The following ZGRF1 variants were observed in gnomAD, a reference collection of about 807,000 sequenced individuals.
The protein encoded by ZGRF1 is 5'-3' DNA helicase ZGRF1.
ZGRF1 carries 196 observed loss-of-function variants against 203.5 expected under a neutral mutation model. The observed-to-expected ratio is 0.96, with a 90% CI of 0.86 to 1.08. ZGRF1 has a LOEUF of 1.08. Ranked by LOEUF, ZGRF1 falls within the 50% of genes least tolerant of loss-of-function variation. ZGRF1 has a pLI of 0.00. For missense variants in ZGRF1, 2,326 were observed against 2,416.3 expected (o/e 0.96, Z 0.78); for synonymous variants, 809 against 841.3 (o/e 0.96, Z 0.66).
At chr4:112,542,885 G>A (rs1038552541) in intron 24 of ZGRF1, among the ~76,000 whole-genome samples, 2 of 150,952 alleles carry the variant, frequency 1.3e-5, no homozygotes, top group Non-Finnish European at 2.9e-5. Context: ...ATGCAGTGGT[G>A]AGATCATAAC....
chr4:112,548,046 A>G (rs554810936), intron 23 of ZGRF1, among the ~76,000 whole-genome samples: 16 of 152,086 alleles, frequency 1.1e-4, no homozygotes, highest in Admixed American at 5.2e-4. Flanking sequence ...GGCTCAAACA[A>G]TCCTCCCACC....
In ZGRF1 at chr4:112,585,785, C is replaced by T; in HGVS notation, c.3917-60G>A. The T allele has an allele frequency of 2.4e-6, 3 of 1,269,176 alleles. No homozygotes were observed. In the Admixed American group the frequency reaches 8.4e-5, roughly 36 times the overall value. 78.6% of individuals were successfully genotyped at this position (1,269,176 alleles called of 1,614,324 possible). ...ATACAAAATAATTTTGTTTGTATCA[C>T]ATATGTGCTGTTTGTAGCTAAATTT... On this transcript the variant is annotated intron_variant, in intron 13 of 27. Transcript: ENST00000505019.
rs1014845978 is a variant in ZGRF1 at position 112,597,838 on chromosome 4, C to T, written c.2976+5686G>A. On this transcript the variant is annotated intron_variant, in intron 10 of 27. Coordinates refer to ENST00000505019, the MANE Select transcript of ZGRF1 (RefSeq NM_018392.5). ...GACAGAGGTTGCAGTGAGCCGAGAT[C>T]GTGCCACTTCACTCCGGCCTGGGTG... Among the ~76,000 whole-genome samples the T allele has an allele frequency of 4.7e-5, 7 of 150,398 alleles. No homozygotes were observed. The Admixed American group carries it at 4.7e-4, about 10-fold the overall frequency.
In ZGRF1 at chr4:112,618,605, C is replaced by T. The variant is rs1450683182; in HGVS notation, c.1437G>A (p.Leu479=). 2.5e-6 allele frequency: 4 copies of T among 1,613,436 alleles called. No individual in the cohort carries two copies. The highest frequency in any genetic ancestry group is 1.7e-5 in the Admixed American group (1 of 60,002). Residue 479 remains leucine (L), a synonymous_variant, in exon 6 of 28, where the codon CTG becomes CTA. Transcript: ENST00000505019. The part of the protein sequence containing the change: ...EKEYEQSESS[L]PELKHLQIES... ...CAATTTGGAGATGTTTCAGTTCTGG[C>T]AGAGATGACTCTGATTGTTCATACT...
chr4:112,582,036 G>A (rs1056700028), intron 15 of ZGRF1, among the ~76,000 whole-genome samples: 1 of 152,036 alleles, frequency 6.6e-6, no homozygotes, highest in Non-Finnish European at 1.5e-5. Context: ...AGAACACCTC[G>A]TGTGCTTTTT....
intron 4 of ZGRF1, 145 bp from the exon 5 acceptor site, chr4:112,620,335 T>C: frequency 1.9e-6 from 1 of 520,442 alleles, no homozygotes; most frequent in East Asian, 3.2e-5. Flanking sequence ...TTCAATTATT[T>C]ATTATTATGT....
intron 16 of ZGRF1, among the ~76,000 whole-genome samples, chr4:112,564,375 T>C (rs933851474): frequency 1.7e-4 from 26 of 152,288 alleles, no homozygotes; most frequent in African/African-American, 6.0e-4. Flanking sequence ...AAAGAGAGAC[T>C]AAACTGGGCA....
intron 3 of ZGRF1, among the ~76,000 whole-genome samples, chr4:112,630,864 G>T (rs1309140146): frequency 6.6e-6 from 1 of 151,232 alleles, no homozygotes; most frequent in East Asian, 1.9e-4. Flanking sequence ...TCCAACCCGG[G>T]CAACAGAGTG....
At chr4:112,557,895 T>A (rs914391566) in intron 20 of ZGRF1, among the ~76,000 whole-genome samples, 1 of 152,210 alleles carries the variant, frequency 6.6e-6, no homozygotes, top group African/African-American at 2.4e-5. Context: ...TAGCCCTACA[T>A]GTTCTTGGCT....
At chr4:112,541,529 G>GT (rs1270287423) in intron 24 of ZGRF1, among the ~76,000 whole-genome samples, 45 of 134,130 alleles carry the variant, frequency 3.4e-4, no homozygotes, top group African/African-American at 1.1e-3. Flanking sequence ...ATGGTTTTTT[G>GT]TTTTGTTTTT....
chr4:112,568,812 G>A (rs949653337), intron 16 of ZGRF1, among the ~76,000 whole-genome samples: 1 of 151,032 alleles, frequency 6.6e-6, no homozygotes, highest in African/African-American at 2.4e-5. Context: ...TCAAGAGATC[G>A]AGACCATCCT....
At chr4:112,575,124 G>A (rs1744907243) in intron 16 of ZGRF1, among the ~76,000 whole-genome samples, 1 of 151,582 alleles carries the variant, frequency 6.6e-6, no homozygotes, top group Non-Finnish European at 1.5e-5. Flanking sequence ...AAATTACATA[G>A]ACAATAAAAG....
intron 13 of ZGRF1, 115 bp from the exon 14 acceptor site, chr4:112,585,840 G>T: frequency 1.8e-6 from 1 of 558,796 alleles, no homozygotes; most frequent in Non-Finnish European, 2.7e-6. Context: ...TCATATAATA[G>T]GAATATCCGT....
At chr4:112,616,080 T>C (rs974926410) in intron 6 of ZGRF1, among the ~76,000 whole-genome samples, 20 of 152,240 alleles carry the variant, frequency 1.3e-4, no homozygotes, top group African/African-American at 4.6e-4. Context: ...ATTTTACCTT[T>C]TGATTTGTGA....
intron 20 of ZGRF1, among the ~76,000 whole-genome samples, chr4:112,555,454 T>G (rs1171768040): frequency 6.6e-6 from 1 of 152,308 alleles, no homozygotes; most frequent in Non-Finnish European, 1.5e-5. Flanking sequence ...AACTAAACTA[T>G]AGATCTCTAA....
intron 19 of ZGRF1, 85 bp from the exon 20 acceptor site, chr4:112,558,394 C>CAAGAAA: frequency 2.6e-6 from 3 of 1,145,746 alleles, no homozygotes; most frequent in Non-Finnish European, 3.5e-6. Context: ...GACAGAGTCT[C>CAAGAAA]ACTCACTCTG....
At chr4:112,606,650 T>TC (rs1750816589) in intron 8 of ZGRF1, among the ~76,000 whole-genome samples, 1 of 122,332 alleles carries the variant, frequency 8.2e-6, no homozygotes, top group Admixed American at 8.7e-5. Context: ...AAAGCAAAAC[T>TC]CCGTCTCAAA....
At chr4:112,574,404 T>C (rs531468364) in intron 16 of ZGRF1, among the ~76,000 whole-genome samples, 20 of 152,162 alleles carry the variant, frequency 1.3e-4, no homozygotes, top group African/African-American at 4.8e-4. Context: ...CTAAAAAAAC[T>C]AAAAATTTTA....
rs1578392132 is a variant in ZGRF1 at position 112,594,672 on chromosome 4, C to T, written c.2977-4798G>A. Among the ~76,000 whole-genome samples, 5 of 151,530 alleles carry T rather than the reference C, an allele frequency of 3.3e-5. No homozygotes were observed. In the East Asian group the frequency reaches 9.8e-4, roughly 30 times the overall value. On this transcript the variant is annotated intron_variant, in intron 10 of 27. Transcript: ENST00000505019. ...TTTACCATGTTGGCCTGGCTGGTCTCGAACTCCTGACCTCAAATGATCTGC... is the reference window on the plus strand; with the variant it reads ...TTTACCATGTTGGCCTGGCTGGTCTTGAACTCCTGACCTCAAATGATCTGC...
Sources: gnomAD v4.1 joint callset for allele counts (sites outside exome capture counted in the v4.1 genomes callset) on GRCh38, gnomAD v4.1.1 for gene constraint, MANE v1.5 for transcripts, NCBI Gene and HGNC (gene_info 2026-07-23, HGNC 2026-07-21) for gene names.